Variants in SEC24D observed in about 807,000 individuals in gnomAD.
SEC24D encodes the protein protein transport protein Sec24D.
SEC24D carries 69 observed loss-of-function variants against 116.9 expected under a neutral mutation model. That is an observed-to-expected ratio of 0.59 (90% CI 0.49 to 0.72). The LOEUF is 0.72. Ranked by LOEUF, SEC24D falls within the 30% of genes least tolerant of loss-of-function variation. The pLI, the probability that SEC24D is intolerant of heterozygous loss-of-function variation, is 0.00. For missense variants in SEC24D, 1,131 were observed against 1,264.1 expected (o/e 0.89, Z 1.60); for synonymous variants, 405 against 442.8 (o/e 0.91, Z 1.07).
In SEC24D at chr4:118,723,037, GTC is replaced by G. The variant is rs943270588; in HGVS notation, c.*476_*477del. 1 of 152,534 alleles carries G rather than the reference GTC, an allele frequency of 6.6e-6. No homozygotes were observed. Among genetic ancestry groups the G allele is most frequent in the Non-Finnish European group, 1.5e-5 (1 of 68,038 alleles). The allele number at this position is 152,534 out of a possible 1,614,324, so 9.4% of individuals were successfully genotyped here. A position where few individuals can be genotyped will look rare whatever the true frequency, so the allele number is the denominator to read the frequency against. On this transcript the variant is annotated 3_prime_UTR_variant, in exon 23 of 23. Transcript: ENST00000280551. ...CAGATAAATCCCAAGGTTATTAAAAGTCTGCTATGCAGACCTTAAGTTGAAAA... is the reference window on the plus strand; with the variant it reads ...CAGATAAATCCCAAGGTTATTAAAAGTGCTATGCAGACCTTAAGTTGAAAA...
intron 4 of SEC24D, among the ~76,000 whole-genome samples, chr4:118,816,511 T>A (rs1274464231): frequency 1.3e-5 from 2 of 152,188 alleles, no homozygotes; most frequent in Non-Finnish European, 2.9e-5. Context: ...ACCAACATGC[T>A]CTCCAATCAT....
At chr4:118,759,272 A>G (rs564423012) in intron 10 of SEC24D, among the ~76,000 whole-genome samples, 2 of 152,340 alleles carry the variant, frequency 1.3e-5, no homozygotes, top group South Asian at 4.1e-4. Flanking sequence ...GTGTGAAATT[A>G]GATTTGGCTG....
At chr4:118,792,785 C>G (rs1728988367) in intron 8 of SEC24D, among the ~76,000 whole-genome samples, 1 of 152,246 alleles carries the variant, frequency 6.6e-6, no homozygotes, top group East Asian at 1.9e-4. Flanking sequence ...CCTAGGAAAA[C>G]CAGAGACCTT....
In SEC24D at chr4:118,738,528, G is replaced by T. The variant is rs534140179; in HGVS notation, c.2378-149C>A. 40 of 651,794 alleles carry T rather than the reference G, an allele frequency of 6.1e-5. No homozygotes were observed. In the South Asian group the frequency reaches 6.4e-4, roughly 10 times the overall value. 40.4% of individuals were successfully genotyped at this position (651,794 alleles called of 1,614,324 possible). On this transcript the variant is annotated intron_variant, in intron 18 of 22. Transcript: ENST00000280551. ...AAATCTGTTCAAGTCATTTGCTAAT[G>T]GTCTCCTCTTGACTAAATATGATGA...
At chr4:118,738,654 C>T (rs1257093451) in intron 18 of SEC24D, among the ~76,000 whole-genome samples, 1 of 152,114 alleles carries the variant, frequency 6.6e-6, no homozygotes, top group South Asian at 2.1e-4. Flanking sequence ...AAAAGACAGG[C>T]CAATTTGTCA....
At chr4:118,801,165 G>C (rs1380463056) in intron 7 of SEC24D, among the ~76,000 whole-genome samples, 1 of 152,020 alleles carries the variant, frequency 6.6e-6, no homozygotes, top group African/African-American at 2.4e-5. Flanking sequence ...GGGAGGCTGA[G>C]GCAGGAGAAT....
chr4:118,764,487 G>A (rs1298667089), intron 10 of SEC24D: 1 of 171,518 alleles, frequency 5.8e-6, no homozygotes, highest in Non-Finnish European at 1.2e-5. Flanking sequence ...CAAAATAAGG[G>A]AGGCAGAGGC....
intron 6 of SEC24D, among the ~76,000 whole-genome samples, chr4:118,808,804 TG>T (rs1374258051): frequency 6.6e-6 from 1 of 152,236 alleles, no homozygotes; most frequent in Non-Finnish European, 1.5e-5. Context: ...TGGAACATTC[TG>T]GGTTCATAAA....
chr4:118,777,687 C>G (rs1427047612), intron 8 of SEC24D, among the ~76,000 whole-genome samples: 1 of 152,242 alleles, frequency 6.6e-6, no homozygotes, highest in Non-Finnish European at 1.5e-5. Context: ...AATCATCACA[C>G]TGTCTTCCAC....
intron 19 of SEC24D, among the ~76,000 whole-genome samples, chr4:118,736,764 A>T (rs1010461520): frequency 1.3e-5 from 2 of 152,208 alleles, no homozygotes; most frequent in Non-Finnish European, 2.9e-5. Flanking sequence ...AAAAGTGCTA[A>T]TGGAAAAACC....
At chr4:118,765,718 A>G (rs184633897) in intron 9 of SEC24D, among the ~76,000 whole-genome samples, 1 of 152,218 alleles carries the variant, frequency 6.6e-6, no homozygotes, top group East Asian at 1.9e-4. Flanking sequence ...ATTTGTAAAA[A>G]CCATACAAAT....
intron 3 of SEC24D, among the ~76,000 whole-genome samples, chr4:118,819,232 T>C (rs545006503): frequency 3.2e-4 from 49 of 152,132 alleles, no homozygotes; most frequent in Non-Finnish European, 6.0e-4. Flanking sequence ...CTTTTTCGTC[T>C]TTTAAAAAAA....
At chr4:118,819,824 T>C (rs1262574631) in intron 3 of SEC24D, among the ~76,000 whole-genome samples, 1 of 152,228 alleles carries the variant, frequency 6.6e-6, no homozygotes, top group African/African-American at 2.4e-5. Context: ...ACAGGAGTTA[T>C]AACACAAGCA....
At chr4:118,797,316 C>G (rs1729221121) in intron 8 of SEC24D, among the ~76,000 whole-genome samples, 1 of 152,296 alleles carries the variant, frequency 6.6e-6, no homozygotes. Context: ...AGATCAAGGA[C>G]TATAGGATCT....
Position 118,741,025 on chromosome 4 carries a change from T to C in SEC24D, c.2008A>G (p.Arg670Gly). Residue 670 changes from arginine to glycine, a missense_variant, in exon 16 of 23, where the codon AGA becomes GGA. By Grantham distance (125) the Arg-to-Gly change is moderately radical (BLOSUM62 -2). Transcript: ENST00000280551. ...KYNNFQMHLDRQQFLNDLRND... is the reference protein window; with the variant it reads ...KYNNFQMHLDGQQFLNDLRND... ...CTGAGGTCGTTCAAAAATTGTTGTC[T>C]ATCCAAGTGCATCTAAAAAATAAAA... is the stretch of plus-strand genomic sequence containing the variant. 1 of 1,569,296 alleles carries C rather than the reference T, an allele frequency of 6.4e-7. No homozygotes were observed. Among genetic ancestry groups the C allele is most frequent in the Non-Finnish European group, 8.7e-7 (1 of 1,154,022 alleles).
chr4:118,791,605 G>A (rs1348130134), intron 8 of SEC24D, among the ~76,000 whole-genome samples: 3 of 151,950 alleles, frequency 2.0e-5, no homozygotes, highest in Non-Finnish European at 2.9e-5. Context: ...CCGCCATCTC[G>A]ACTCACTGCA....
intron 4 of SEC24D, among the ~76,000 whole-genome samples, chr4:118,816,556 C>G (rs528916472): frequency 1.3e-5 from 2 of 152,314 alleles, no homozygotes; most frequent in South Asian, 4.1e-4. Context: ...TTATGTTTTC[C>G]TTTCTCTGAT....
At chr4:118,806,590 C>T (rs535098316) in intron 6 of SEC24D, among the ~76,000 whole-genome samples, 2 of 151,872 alleles carry the variant, frequency 1.3e-5, no homozygotes, top group South Asian at 4.1e-4. Context: ...GCCTTGGCCT[C>T]TCAAAGTGTT....
At chr4:118,767,886 C>T (rs1335534766) in intron 9 of SEC24D, among the ~76,000 whole-genome samples, 1 of 152,110 alleles carries the variant, frequency 6.6e-6, no homozygotes, top group Non-Finnish European at 1.5e-5. Flanking sequence ...TTTTGTTTCC[C>T]ACTGAGGCTT....
Sources: allele counts gnomAD v4.1 joint callset (sites outside exome capture counted in the v4.1 genomes callset), GRCh38; gene constraint gnomAD v4.1.1; transcripts MANE v1.5; gene names NCBI Gene and HGNC (gene_info 2026-07-23, HGNC 2026-07-21).